Variants in CDH18 observed in about 807,000 individuals in gnomAD.
CDH18 encodes cadherin 18.
Under a neutral mutation model 67.9 loss-of-function variants are expected in CDH18, and 31 were observed. The ratio of observed to expected loss-of-function variants is 0.46; its 90% CI spans 0.34 to 0.62. The LOEUF is 0.62. Ranked by LOEUF, CDH18 falls within the 20% of genes least tolerant of loss-of-function variation. The pLI, the probability that CDH18 is intolerant of heterozygous loss-of-function variation, is 0.01. For synonymous variants in CDH18, 362 were observed against 347.2 expected, an observed-to-expected ratio of 1.04 and a Z score of -0.48; for missense variants, 890 against 975.5, an observed-to-expected ratio of 0.91 and a Z score of 1.17.
chr5:20,117,009 ATGTG>A (rs112582550), intron 2 of CDH18, among the ~76,000 whole-genome samples: 19 of 149,030 alleles, frequency 1.3e-4, no homozygotes, highest in Middle Eastern at 3.2e-3. Context: ...GGAGAGATAA[ATGTG>A]TGTGTGTGTG....
At chr5:20,055,674 T>C (rs1741835483) in intron 2 of CDH18, among the ~76,000 whole-genome samples, 1 of 152,238 alleles carries the variant, frequency 6.6e-6, no homozygotes, top group Non-Finnish European at 1.5e-5. Flanking sequence ...GTTTCAGAGA[T>C]GTAGTTCCTA....
intron 2 of CDH18, among the ~76,000 whole-genome samples, chr5:20,216,243 G>A (rs957907056): frequency 6.6e-6 from 1 of 151,914 alleles, no homozygotes; most frequent in Non-Finnish European, 1.5e-5. Flanking sequence ...GTGTGACAGA[G>A]ACTCAGTGTG....
At chr5:20,445,907 CG>C (rs1749961655) in intron 1 of CDH18, among the ~76,000 whole-genome samples, 1 of 151,890 alleles carries the variant, frequency 6.6e-6, no homozygotes, top group East Asian at 1.9e-4. Context: ...CTGATTTCTG[CG>C]AAGTGAAATC....
intron 2 of CDH18, among the ~76,000 whole-genome samples, chr5:20,136,199 G>A (rs549198220): frequency 6.6e-6 from 1 of 152,270 alleles, no homozygotes; most frequent in African/African-American, 2.4e-5. Context: ...GGGTATTGAA[G>A]TCTCCCATTA....
intron 12 of CDH18, among the ~76,000 whole-genome samples, chr5:19,479,264 A>C (rs929186212): frequency 3.9e-5 from 6 of 152,116 alleles, no homozygotes; most frequent in East Asian, 1.9e-4. Flanking sequence ...TGAGAGGGAA[A>C]ATTTTTTAAT....
rs191782053 is a variant in CDH18 at position 20,386,251 on chromosome 5, G to A, written c.-579-130746C>T. Among the ~76,000 whole-genome samples the A allele has an allele frequency of 9.5e-4, 145 of 152,250 alleles. 1 individual carries two copies. In the Middle Eastern group the frequency reaches 0.014, roughly 14 times the overall value. On this transcript the variant is annotated intron_variant, in intron 1 of 14. Coordinates refer to the CDH18 transcript ENST00000507958. ...TATTCTTTTAATTCTTCTCAGCCAT[G>A]CTGTCCGTTTAAGCAGAATAATTTA...
At chr5:19,856,249 G>T (rs896907976) in intron 2 of CDH18, among the ~76,000 whole-genome samples, 4 of 152,190 alleles carry the variant, frequency 2.6e-5, no homozygotes, top group Non-Finnish European at 5.9e-5. Context: ...TGAAGATAGG[G>T]CTAGGTGTCT....
Position 19,708,931 on chromosome 5 carries a change from C to T in CDH18, c.643+12416G>A, listed in dbSNP as rs575683105. ...ACCACTGGGTTAGGGACTCCATGACCGAGCTGGTCTCAGCATCAGCGAGAC... is the reference window on the plus strand; with the variant it reads ...ACCACTGGGTTAGGGACTCCATGACTGAGCTGGTCTCAGCATCAGCGAGAC... On this transcript the variant is annotated intron_variant, in intron 5 of 12. Transcript: ENST00000382275. Among the ~76,000 whole-genome samples, 5 of 152,090 alleles carry T rather than the reference C, an allele frequency of 3.3e-5. No individual in the cohort carries two copies. In the East Asian group the frequency reaches 5.8e-4, roughly 18 times the overall value.
intron 2 of CDH18, among the ~76,000 whole-genome samples, chr5:20,134,481 A>T (rs1749532436): frequency 6.6e-6 from 1 of 151,920 alleles, no homozygotes; most frequent in South Asian, 2.1e-4. Context: ...TCACTTTCAG[A>T]ATTTTAGTTT....
intron 10 of CDH18, among the ~76,000 whole-genome samples, chr5:19,508,750 A>T (rs1440988135): frequency 1.3e-5 from 2 of 152,118 alleles, no homozygotes; most frequent in South Asian, 2.1e-4. Flanking sequence ...TTTATTAGGG[A>T]AAAGTCAGTA....
chr5:20,251,456 T>C (rs1424808785), intron 2 of CDH18, among the ~76,000 whole-genome samples: 2 of 152,220 alleles, frequency 1.3e-5, no homozygotes, highest in Non-Finnish European at 2.9e-5. Context: ...TAATATGCTT[T>C]TTATATCTTG....
At chr5:19,503,940 CAAAG>C (rs200969281) in intron 10 of CDH18, among the ~76,000 whole-genome samples, 3,164 of 152,010 alleles carry the variant, frequency 0.021, 84 homozygotes, top group Admixed American at 0.069. Flanking sequence ...AAACGAGAAA[CAAAG>C]AGAGAGAAGA....
chr5:20,094,485 T>C (rs1259813563), intron 2 of CDH18, among the ~76,000 whole-genome samples: 1 of 152,190 alleles, frequency 6.6e-6, no homozygotes, highest in Admixed American at 6.5e-5. Context: ...AGTAGTTTTT[T>C]CTAATTCTGT....
At chr5:20,033,871 A>C (rs1290644933) in intron 2 of CDH18, among the ~76,000 whole-genome samples, 3 of 152,072 alleles carry the variant, frequency 2.0e-5, no homozygotes, top group African/African-American at 7.2e-5. Context: ...CTTTATGCTG[A>C]TTAGATGTTA....
At position 19,755,506 on chromosome 5, in the gene CDH18, C is replaced by T. The variant is rs866982733; in HGVS notation, c.229-8270G>A. Reference sequence around the variant, plus strand: ...AGATATATACACATATATATACACACACACATATATATATATGCCCTGTTA... The same window carrying T: ...AGATATATACACATATATATACACATACACATATATATATATGCCCTGTTA... On this transcript the variant is annotated intron_variant, in intron 3 of 12. Transcript: ENST00000382275. 1.2e-4 allele frequency among the ~76,000 whole-genome samples: 12 copies of T among 102,524 alleles called. No homozygotes were observed. In the South Asian group the frequency reaches 1.4e-3, roughly 12 times the overall value. The allele number at this position is 102,524 out of a possible 152,430, so 67.3% of individuals were successfully genotyped here. A position where few individuals can be genotyped will look rare whatever the true frequency, so the allele number is the denominator to read the frequency against.
intron 1 of CDH18, among the ~76,000 whole-genome samples, chr5:20,293,676 C>T (rs1266534271): frequency 6.6e-6 from 1 of 152,096 alleles, no homozygotes; most frequent in Non-Finnish European, 1.5e-5. Context: ...TAGAAAGGAG[C>T]TTGAGATATT....
At chr5:20,546,750 G>GACAC (rs4002054) in intron 1 of CDH18, among the ~76,000 whole-genome samples, 315 of 151,064 alleles carry the variant, frequency 2.1e-3, no homozygotes, top group African/African-American at 4.2e-3. Flanking sequence ...TACATACATA[G>GACAC]ACACACACAC....
intron 1 of CDH18, among the ~76,000 whole-genome samples, chr5:20,519,705 C>T (rs1755609877): frequency 1.5e-5 from 2 of 132,190 alleles, no homozygotes; most frequent in Non-Finnish European, 3.3e-5. Context: ...CGGTTGAAAT[C>T]CCATTTATCC....
In CDH18 at chr5:19,472,832, T is replaced by TAAAAA; in HGVS notation, c.*393_*394insTTTTT. 1.2e-5 allele frequency: 2 copies of TAAAAA among 171,030 alleles called. No individual in the cohort carries two copies. The highest frequency in any genetic ancestry group is 5.5e-5 in the Admixed American group (1 of 18,074). 10.6% of individuals were successfully genotyped at this position (171,030 alleles called of 1,614,324 possible). A position where few individuals can be genotyped will look rare whatever the true frequency, so the allele number is the denominator to read the frequency against. ...CTTCACAAGTTTCCTGTATTAGTGT[T>TAAAAA]ACCACCCCTATAAGTCATAACCACC... On this transcript the variant is annotated 3_prime_UTR_variant, in exon 13 of 13. Transcript: ENST00000382275.
Sources: allele counts gnomAD v4.1 joint callset (sites outside exome capture counted in the v4.1 genomes callset), GRCh38; gene constraint gnomAD v4.1.1; transcripts MANE v1.5; gene names NCBI Gene and HGNC (gene_info 2026-07-23, HGNC 2026-07-21).